Variants in MTDH observed in about 807,000 individuals in gnomAD.
MTDH encodes the protein protein LYRIC.
In MTDH, 34 loss-of-function variants were observed where a neutral mutation model predicts 72.7. The observed-to-expected ratio is 0.47, with a 90% CI of 0.36 to 0.62. The LOEUF (loss-of-function observed/expected upper bound fraction) is 0.62. Among genes scored for constraint, MTDH ranks in the 20% least tolerant of loss-of-function variants. MTDH has a pLI of 0.00. For missense variants in MTDH, 677 were observed against 699.4 expected (o/e 0.97, Z 0.36); for synonymous variants, 266 against 268.9 (o/e 0.99, Z 0.10).
chr8:97,679,937 G>A (rs780774118), intron 2 of MTDH, among the ~76,000 whole-genome samples: 5 of 152,106 alleles, frequency 3.3e-5, no homozygotes, highest in Non-Finnish European at 4.4e-5. Flanking sequence ...TAAGATACTA[G>A]AATTTTTGGA....
At position 97,706,769 on chromosome 8, in the gene MTDH, T is replaced by C; in HGVS notation, c.1272+19T>C. The C allele has an allele frequency of 6.2e-7, 1 of 1,607,286 alleles. No individual in the cohort carries two copies. Among genetic ancestry groups the C allele is most frequent in the South Asian group, 1.1e-5 (1 of 90,074 alleles). On this transcript the variant is annotated intron_variant, in intron 8 of 11. Transcript: ENST00000336273. Reference sequence around the variant, plus strand: ...TCAAAAGGTGAGTATAAGAGATTCCTGGGTGTTTATTTGTTAATGAAAGAG... The same window carrying C: ...TCAAAAGGTGAGTATAAGAGATTCCCGGGTGTTTATTTGTTAATGAAAGAG...
At chr8:97,645,933 C>G (rs1218860111) in intron 1 of MTDH, among the ~76,000 whole-genome samples, 1 of 152,156 alleles carries the variant, frequency 6.6e-6, no homozygotes, top group African/African-American at 2.4e-5. Flanking sequence ...AGTACGAAGG[C>G]CCTACCATGT....
At chr8:97,651,232 G>A (rs1811759759) in intron 1 of MTDH, among the ~76,000 whole-genome samples, 1 of 152,156 alleles carries the variant, frequency 6.6e-6, no homozygotes, top group Non-Finnish European at 1.5e-5. Flanking sequence ...GAGTGTTTCT[G>A]TTTAAAGACA....
At chr8:97,674,894 T>C (rs1419028347) in intron 2 of MTDH, among the ~76,000 whole-genome samples, 1 of 152,086 alleles carries the variant, frequency 6.6e-6, no homozygotes, top group African/African-American at 2.4e-5. Flanking sequence ...CACTGCAACC[T>C]TGCCCTCCCG....
In MTDH at chr8:97,664,996, A is replaced by G. The variant is rs568380118; in HGVS notation, c.483+3823A>G. Among the ~76,000 whole-genome samples the G allele has an allele frequency of 1.2e-4, 19 of 152,320 alleles. 1 individual carries two copies. Among genetic ancestry groups the G allele is most frequent in the African/African-American group, 4.3e-4 (18 of 41,580 alleles). On this transcript the variant is annotated intron_variant, in intron 2 of 11. Transcript: ENST00000336273. ...AGGCTGGTCGCGAACTCCTGACCTC[A>G]GGTGATCTGCCTGCCTCGGCCTCCT...
chr8:97,662,888 A>G (rs1010844775), intron 2 of MTDH, among the ~76,000 whole-genome samples: 1 of 151,798 alleles, frequency 6.6e-6, no homozygotes, highest in Admixed American at 6.5e-5. Context: ...TTCTTCAAAG[A>G]CATTTTGAAA....
rs1813951114 is a variant in MTDH, at chr8:97,698,197, T to C, written c.1049-1557T>C. ...ACTTTTATACTAACCAAGTATCTTT[T>C]CTTCCTAACCATTTCTTTATACAGT... is the stretch of plus-strand genomic sequence containing the variant. On this transcript the variant is annotated intron_variant, in intron 6 of 11. Transcript: ENST00000336273. 2.0e-5 allele frequency among the ~76,000 whole-genome samples: 3 copies of C among 152,366 alleles called. No individual in the cohort carries two copies. The South Asian group carries it at 6.2e-4, about 32-fold the overall frequency.
Position 97,681,491 on chromosome 8 carries a change from CTTTTTTTTTTT to C in MTDH, c.484-5168_484-5158del, listed in dbSNP as rs35262209. ...AAACTCTTGAAGATAAGAATTTTTT[CTTTTTTTTTTT>C]TTTTTTTTGAGATGGAATTTCGCTC... On this transcript the variant is annotated intron_variant, in intron 2 of 11. Coordinates refer to ENST00000336273, the MANE Select transcript of MTDH (RefSeq NM_178812.4). Among the ~76,000 whole-genome samples, 393 of 108,868 alleles carry C rather than the reference CTTTTTTTTTTT, an allele frequency of 3.6e-3. 3 individuals are homozygous for C. The highest frequency in any genetic ancestry group is 0.013 in the African/African-American group (376 of 28,258). 71.4% of individuals were successfully genotyped at this position (108,868 alleles called of 152,430 possible).
rs756003402 is a variant in MTDH, at chr8:97,706,746, A to T, written c.1268A>T (p.Gln423Leu). The T allele has an allele frequency of 2.5e-6, 4 of 1,612,988 alleles. No individual in the cohort carries two copies. The highest frequency in any genetic ancestry group is 1.7e-4 in the Middle Eastern group (1 of 6,060). Residue 423 changes from glutamine to leucine, a missense_variant, in exon 8 of 12, where the codon CAA becomes CTA. Gln to Leu is a moderately radical substitution (Grantham distance 113). This residue lies in a region of MTDH where 201 missense variants were observed against 204.5 expected (regional missense o/e 0.98). Transcript: ENST00000336273. ...LKSQEPIPDD[Q>L]KVSDDDKEKG... ...TCCCAGGAACCAATTCCTGATGATC[A>T]AAAGGTGAGTATAAGAGATTCCTGG...
Position 97,724,795 on chromosome 8 carries a change from C to A in MTDH, c.*125C>A. The A allele has an allele frequency of 1.7e-6, 1 of 599,620 alleles. No individual in the cohort carries two copies. The highest frequency in any genetic ancestry group is 2.7e-6 in the Non-Finnish European group (1 of 367,818). The allele number at this position is 599,620 out of a possible 1,614,324, so 37.1% of individuals were successfully genotyped here. A position where few individuals can be genotyped will look rare whatever the true frequency, so the allele number is the denominator to read the frequency against. On this transcript the variant is annotated 3_prime_UTR_variant, in exon 12 of 12. Coordinates refer to ENST00000336273, the MANE Select transcript of MTDH (RefSeq NM_178812.4). ...ATTTAAACCAATTTTTAAAACAAAA[C>A]TGCGGACACCACCATAAAAATGGAA...
At chr8:97,696,238 C>T (rs1385607421) in intron 6 of MTDH, 2 of 985,264 alleles carry the variant, frequency 2.0e-6, no homozygotes, top group Non-Finnish European at 2.4e-6. Context: ...GAATGAATAC[C>T]TCTGAACAGA....
rs1238436299 is a variant in MTDH at position 97,725,038 on chromosome 8, A to G, written c.*368A>G. On this transcript the variant is annotated 3_prime_UTR_variant, in exon 12 of 12. Coordinates refer to ENST00000336273, the MANE Select transcript of MTDH (RefSeq NM_178812.4). ...TTAGAAAGAGGGTTGCCTACAGATTAGTAAGCAATTCCTTGGATCTTATGC... is the reference window on the plus strand; with the variant it reads ...TTAGAAAGAGGGTTGCCTACAGATTGGTAAGCAATTCCTTGGATCTTATGC... The G allele has an allele frequency of 6.3e-6, 1 of 159,270 alleles. No homozygotes were observed. Among genetic ancestry groups the G allele is most frequent in the African/African-American group, 2.4e-5 (1 of 41,622 alleles). The allele number at this position is 159,270 out of a possible 1,614,324, so 9.9% of individuals were successfully genotyped here. A position where few individuals can be genotyped will look rare whatever the true frequency, so the allele number is the denominator to read the frequency against.
intron 8 of MTDH, among the ~76,000 whole-genome samples, chr8:97,708,116 T>A (rs1814439282): frequency 6.6e-6 from 1 of 151,062 alleles, no homozygotes; most frequent in Admixed American, 6.6e-5. Context: ...TACAGGCACC[T>A]GCCACCATGC....
intron 2 of MTDH, among the ~76,000 whole-genome samples, chr8:97,664,314 C>T (rs1812294097): frequency 6.6e-6 from 1 of 151,886 alleles, no homozygotes; most frequent in South Asian, 2.1e-4. Context: ...TGAGATCGTA[C>T]CATTGCACTC....
intron 7 of MTDH, among the ~76,000 whole-genome samples, chr8:97,704,887 A>C (rs1210214950): frequency 6.6e-6 from 1 of 152,238 alleles, no homozygotes; most frequent in Non-Finnish European, 1.5e-5. Context: ...AGAGTAATGC[A>C]AACAAATTTG....
At chr8:97,716,933 G>T (rs1357887235) in intron 9 of MTDH, among the ~76,000 whole-genome samples, 2 of 152,084 alleles carry the variant, frequency 1.3e-5, no homozygotes, top group Non-Finnish European at 2.9e-5. Flanking sequence ...CTCCTGCCTT[G>T]GCTCCCAAAG....
chr8:97,728,784 A>T lies in MTDH; in HGVS notation c.*4114A>T, dbSNP rs561559395. 1 of 150,826 alleles carries T rather than the reference A, an allele frequency of 6.6e-6. No individual in the cohort carries two copies. The highest frequency in any genetic ancestry group is 2.4e-5 in the African/African-American group (1 of 41,384). The allele number at this position is 150,826 out of a possible 1,614,324, so 9.3% of individuals were successfully genotyped here. A position where few individuals can be genotyped will look rare whatever the true frequency, so the allele number is the denominator to read the frequency against. ...AAAAAAAAAAAAAAAAATTAGAAAC[A>T]AAAAAAAGATTGTTTCTCTTTCATA... On this transcript the variant is annotated 3_prime_UTR_variant, in exon 12 of 12. Coordinates refer to ENST00000336273, the MANE Select transcript of MTDH (RefSeq NM_178812.4).
intron 9 of MTDH, 90 bp downstream of exon 9, chr8:97,713,859 A>G: frequency 1.6e-6 from 1 of 638,516 alleles, no homozygotes; most frequent in East Asian, 2.9e-5. Flanking sequence ...ACATAGAGAT[A>G]AAAGACAGTA....
intron 7 of MTDH, among the ~76,000 whole-genome samples, chr8:97,705,493 G>T (rs1388495314): frequency 6.6e-6 from 1 of 152,094 alleles, no homozygotes; most frequent in Admixed American, 6.6e-5. Context: ...CCAGCTACTC[G>T]GGAGGCTGAG....
Sources: allele counts gnomAD v4.1 joint callset (sites outside exome capture counted in the v4.1 genomes callset), GRCh38; gene constraint gnomAD v4.1.1; regional missense constraint gnomAD v4.1.1; transcripts MANE v1.5; gene names NCBI Gene and HGNC (gene_info 2026-07-23, HGNC 2026-07-21).